STAG3: variants seen among roughly 807,000 people sequenced by gnomAD.
The protein encoded by STAG3 is cohesin subunit SA-3.
In STAG3, 101 loss-of-function variants were observed where a neutral mutation model predicts 160.7. The ratio of observed to expected loss-of-function variants is 0.63; its 90% CI spans 0.54 to 0.74. The LOEUF (loss-of-function observed/expected upper bound fraction) is 0.74. Ranked by LOEUF, STAG3 falls within the 30% of genes least tolerant of loss-of-function variation. The pLI is 0.00. For missense variants in STAG3, 1,188 were observed against 1,517.4 expected (o/e 0.78, Z 3.61); for synonymous variants, 519 against 585.0 (o/e 0.89, Z 1.63).
At chr7:100,186,808 G>A (rs1181284677) in intron 5 of STAG3, among the ~76,000 whole-genome samples, 2 of 152,176 alleles carry the variant, frequency 1.3e-5, no homozygotes, top group African/African-American at 2.4e-5. Context: ...AAGTAATCAC[G>A]CTTATGTTAT....
chr7:100,197,713 T>A, intron 10 of STAG3, 65 bp from the exon 11 acceptor site: 2 of 1,329,004 alleles, frequency 1.5e-6, no homozygotes, highest in South Asian at 1.2e-5. Context: ...GTCTGGAGGC[T>A]TAGTAGGGGC....
rs543426645 is a variant in STAG3 at position 100,211,384 on chromosome 7, C to T, written c.3414-51C>T. On this transcript the variant is annotated intron_variant, in intron 30 of 33. Transcript: ENST00000615138. ...CCATTAACACCAGCTGCCTTACATC[C>T]TCTTCTTACCCTTGATTTTTATCCC... 7.5e-6 allele frequency: 12 copies of T among 1,589,976 alleles called. No homozygotes were observed. The South Asian group carries it at 1.2e-4, about 16-fold the overall frequency.
In STAG3 at chr7:100,200,292, G is replaced by A. The variant is rs1801014485; in HGVS notation, c.1734G>A (p.Glu578=). 3.7e-6 allele frequency: 6 copies of A among 1,613,600 alleles called. No homozygotes were observed. The highest frequency in any genetic ancestry group is 4.2e-6 in the Non-Finnish European group (5 of 1,179,976). The change falls in exon 17 of 34, where the codon GAG becomes GAA. Residue 578 remains glutamate (E), a synonymous_variant. Transcript: ENST00000615138. ...TQADDRVKLT[E]HLIPLLPQLL... ...CCGATGACAGGGTGAAGTTGACTGA[G>A]CACCTCATCCCCCTGCTGCCCCAGC...
chr7:100,204,285 T>C (rs1202187270), intron 26 of STAG3, among the ~76,000 whole-genome samples, 163 bp downstream of exon 26: 4 of 152,092 alleles, frequency 2.6e-5, no homozygotes, highest in Non-Finnish European at 5.9e-5. Flanking sequence ...CCTTGGGAAG[T>C]ATTTTTTTTT....
Position 100,200,295 on chromosome 7 carries a change from C to T in STAG3, c.1737C>T (p.His579=). The change falls in exon 17 of 34, where the codon CAC becomes CAT. Residue 579 remains histidine, a synonymous_variant. Coordinates refer to ENST00000615138, the MANE Select transcript of STAG3 (RefSeq NM_001282717.2). ...QADDRVKLTE[H]LIPLLPQLLA... is the part of the protein sequence containing the mutation. ...ATGACAGGGTGAAGTTGACTGAGCA[C>T]CTCATCCCCCTGCTGCCCCAGCTCC... 2 of 1,613,806 alleles carry T rather than the reference C, an allele frequency of 1.2e-6. No individual in the cohort carries two copies. Among genetic ancestry groups the T allele is most frequent in the Non-Finnish European group, 1.7e-6 (2 of 1,179,946 alleles).
At chr7:100,185,226 G>A (rs539208067) in intron 4 of STAG3, among the ~76,000 whole-genome samples, 10 of 152,082 alleles carry the variant, frequency 6.6e-5, no homozygotes, top group Non-Finnish European at 1.3e-4. Context: ...TCTGTTTTTG[G>A]TAGACCAGCC....
rs183394996 is a variant in STAG3 at position 100,191,484 on chromosome 7, T to G, written c.867+1888T>G. Among the ~76,000 whole-genome samples the G allele has an allele frequency of 1.1e-4, 17 of 152,330 alleles. No homozygotes were observed. The East Asian group carries it at 2.9e-3, about 26-fold the overall frequency. On this transcript the variant is annotated intron_variant, in intron 8 of 33. Transcript: ENST00000615138. The stretch of plus-strand genomic sequence containing the variant: ...AGTCACACAATCAAAAAATCAAAAT[T>G]TTTAATTCTCAGTGCATATGAAAGT...
rs748931280 is a variant in STAG3, at chr7:100,204,762, G to T, written c.2938G>T (p.Val980Phe). ...GCAGCTGCAGAACCGTGACCTCGTGGTCATGCTACACAAGTAGGAAGTATT... is the reference window on the plus strand; with the variant it reads ...GCAGCTGCAGAACCGTGACCTCGTGTTCATGCTACACAAGTAGGAAGTATT... The part of the protein sequence containing the change: ...PQQLQNRDLV[V>F]MLHKEGIQFS... Residue 980 changes from valine (V) to phenylalanine (F), a missense_variant, in exon 27 of 34, where the codon GTC becomes TTC. This residue lies in a region of STAG3 where 647 missense variants were observed against 717.2 expected (regional missense o/e 0.90). Coordinates refer to ENST00000615138, the MANE Select transcript of STAG3 (RefSeq NM_001282717.2). 1 of 1,613,712 alleles carries T rather than the reference G, an allele frequency of 6.2e-7. No individual in the cohort carries two copies.
At chr7:100,191,587 T>A (rs1318908999) in intron 8 of STAG3, among the ~76,000 whole-genome samples, 2 of 152,210 alleles carry the variant, frequency 1.3e-5, no homozygotes, top group African/African-American at 4.8e-5. Context: ...TTAGAAATAT[T>A]TTATTGCTAA....
intron 5 of STAG3, among the ~76,000 whole-genome samples, chr7:100,187,863 T>C (rs946734654): frequency 6.6e-6 from 1 of 151,488 alleles, no homozygotes; most frequent in African/African-American, 2.4e-5. Context: ...TTCAAGCGAT[T>C]CTCCTGCCTC....
In STAG3 at chr7:100,186,141, A is replaced by C. The variant is rs1028231923; in HGVS notation, c.337-59A>C. 9 of 1,339,074 alleles carry C rather than the reference A, an allele frequency of 6.7e-6. No individual in the cohort carries two copies. In the African/African-American group the frequency reaches 1.3e-4, roughly 19 times the overall value. The allele number at this position is 1,339,074 out of a possible 1,614,324, so 82.9% of individuals were successfully genotyped here. A position where few individuals can be genotyped will look rare whatever the true frequency, so the allele number is the denominator to read the frequency against. ...GATGGTTCAACTGGGAAGATCATAT[A>C]GGATTTCTATTCTGTCATATTGCCA... On this transcript the variant is annotated intron_variant, in intron 4 of 33. Coordinates refer to ENST00000615138, the MANE Select transcript of STAG3 (RefSeq NM_001282717.2).
chr7:100,179,263 GT>G lies in STAG3; in HGVS notation c.-64-1217del, dbSNP rs869049727. Among the ~76,000 whole-genome samples the G allele has an allele frequency of 4.9e-4, 66 of 134,712 alleles. 1 individual carries two copies. Among genetic ancestry groups the G allele is most frequent in the South Asian group, 1.2e-3 (5 of 4,196 alleles). The allele number at this position is 134,712 out of a possible 152,430, so 88.4% of individuals were successfully genotyped here. A position where few individuals can be genotyped will look rare whatever the true frequency, so the allele number is the denominator to read the frequency against. On this transcript the variant is annotated intron_variant, in intron 1 of 33. Coordinates refer to ENST00000615138, the MANE Select transcript of STAG3 (RefSeq NM_001282717.2). ...CTGGTGTGTACCTTGCTTGGGTTTT[GT>G]TTTTTTTTTTTTGGGTGTGTCTCAT...
In STAG3 at chr7:100,189,673, C is replaced by G. The variant is rs1265526523; in HGVS notation, c.867+77C>G. ...TTCTGCCACAGACCCCCTTATCAGG[C>G]CCTGGGCAGTCTTTCAAGATCATGA... On this transcript the variant is annotated intron_variant, in intron 8 of 33. Transcript: ENST00000615138. The G allele has an allele frequency of 6.7e-6, 10 of 1,502,904 alleles. No individual in the cohort carries two copies. The East Asian group carries it at 2.3e-4, about 34-fold the overall frequency. The allele number at this position is 1,502,904 out of a possible 1,614,324, so 93.1% of individuals were successfully genotyped here.
chr7:100,190,891 T>G (rs902386409), intron 8 of STAG3, among the ~76,000 whole-genome samples: 3 of 152,212 alleles, frequency 2.0e-5, no homozygotes, highest in African/African-American at 7.2e-5. Context: ...CCCAAATATT[T>G]TACATATTTG....
At position 100,194,624 on chromosome 7, in the gene STAG3, CAAA is replaced by C. The variant is rs1021785478; in HGVS notation, c.868-676_868-674del. 2.0e-5 allele frequency among the ~76,000 whole-genome samples: 3 copies of C among 146,722 alleles called. No homozygotes were observed. In the South Asian group the frequency reaches 6.4e-4, roughly 31 times the overall value. On this transcript the variant is annotated intron_variant, in intron 8 of 33. Coordinates refer to ENST00000615138, the MANE Select transcript of STAG3 (RefSeq NM_001282717.2). ...CAAACATAGGGAGAGCCCGTCTCTACAAAAAAAAAAATTTTTTTTAACTAGCTG... is the reference window on the plus strand; with the variant it reads ...CAAACATAGGGAGAGCCCGTCTCTACAAAAAAAATTTTTTTTAACTAGCTG...
At chr7:100,211,243 C>T in intron 30 of STAG3, 58 bp downstream of exon 30, 1 of 1,528,874 alleles carries the variant, frequency 6.5e-7, no homozygotes, top group African/African-American at 1.4e-5. Context: ...CTGGCTGCCT[C>T]CATCTTGCTG....
intron 29 of STAG3, among the ~76,000 whole-genome samples, chr7:100,208,142 AG>A (rs1801837244): frequency 6.6e-6 from 1 of 152,016 alleles, no homozygotes; most frequent in African/African-American, 2.4e-5. Flanking sequence ...TTATAGTTTT[AG>A]CTCTTAATTT....
chr7:100,198,811 G>C (rs1248490346), intron 13 of STAG3, 32 bp from the exon 14 acceptor site: 1 of 1,580,664 alleles, frequency 6.3e-7, no homozygotes, highest in Non-Finnish European at 8.7e-7. Flanking sequence ...TTCCTGTTGT[G>C]CTGAGCCCTT....
chr7:100,183,735 A>C (rs1562965865), intron 4 of STAG3, among the ~76,000 whole-genome samples: 1 of 152,230 alleles, frequency 6.6e-6, no homozygotes, highest in Non-Finnish European at 1.5e-5. Flanking sequence ...CTCATCTCTC[A>C]TTATAGTGTT....
Sources: gnomAD v4.1 joint callset for allele counts (sites outside exome capture counted in the v4.1 genomes callset) on GRCh38, gnomAD v4.1.1 for gene constraint, gnomAD v4.1.1 regional missense constraint, MANE v1.5 for transcripts, NCBI Gene and HGNC (gene_info 2026-07-23, HGNC 2026-07-21) for gene names.